The following SCNN1B variants were observed in gnomAD, a reference collection of about 807,000 sequenced individuals.
SCNN1B encodes epithelial sodium channel subunit beta.
SCNN1B carries 46 observed loss-of-function variants against 65.3 expected under a neutral mutation model. That is an observed-to-expected ratio of 0.70 (90% CI 0.56 to 0.90). SCNN1B has a LOEUF of 0.90. Among genes scored for constraint, SCNN1B ranks in the 40% least tolerant of loss-of-function variants. The pLI is 0.00. For synonymous variants in SCNN1B, 349 were observed against 330.6 expected, an observed-to-expected ratio of 1.06 and a Z score of -0.60; for missense variants, 751 against 830.5, an observed-to-expected ratio of 0.90 and a Z score of 1.18.
Position 23,377,310 on chromosome 16 carries a change from G to A in SCNN1B, c.1347-19G>A. 6.2e-7 allele frequency: 1 copy of A among 1,614,204 alleles called. No individual in the cohort carries two copies. The highest frequency in any genetic ancestry group is 8.5e-7 in the Non-Finnish European group (1 of 1,180,034). ...GCATCACTGGCAGGGACCACAACAGGCCTGGCCTTCTCTTTCAGTGACACC... is the reference window on the plus strand; with the variant it reads ...GCATCACTGGCAGGGACCACAACAGACCTGGCCTTCTCTTTCAGTGACACC... On this transcript the variant is annotated intron_variant, in intron 9 of 12. Coordinates refer to ENST00000343070, the MANE Select transcript of SCNN1B (RefSeq NM_000336.3).
rs148261362 is a variant in SCNN1B, at chr16:23,353,472, T to C, written c.585+398T>C. Among the ~76,000 whole-genome samples, 354 of 152,284 alleles carry C rather than the reference T, an allele frequency of 2.3e-3. 4 individuals carry two copies. Among genetic ancestry groups the C allele is most frequent in the African/African-American group, 8.2e-3 (341 of 41,550 alleles). ...TCTCCATGTGGAGGGATCCCCTCAG[T>C]GCCCTTGCTTAGCAGTGGTCCCAGA... On this transcript the variant is annotated intron_variant, in intron 3 of 12. Coordinates refer to ENST00000343070, the MANE Select transcript of SCNN1B (RefSeq NM_000336.3).
chr16:23,310,290 CAAAAAAA>C (rs202228096), intron 1 of SCNN1B, among the ~76,000 whole-genome samples: 3 of 93,004 alleles, frequency 3.2e-5, no homozygotes, highest in Non-Finnish European at 6.7e-5. Flanking sequence ...TCTGCATGAC[CAAAAAAA>C]AAAAAAAAAA....
At chr16:23,326,605 T>C (rs11859641) in intron 1 of SCNN1B, among the ~76,000 whole-genome samples, 412 of 151,928 alleles carry the variant, frequency 2.7e-3, no homozygotes, top group African/African-American at 9.7e-3. Flanking sequence ...GCTGGGATTA[T>C]AGGTGTGCGC....
chr16:23,375,659 T>C, intron 7 of SCNN1B, 79 bp from the exon 8 acceptor site: 2 of 1,032,868 alleles, frequency 1.9e-6, no homozygotes, highest in East Asian at 2.4e-5. Context: ...ATCACTTCTC[T>C]GGACACCCCT....
At chr16:23,370,723 G>A (rs1051406494) in intron 5 of SCNN1B, among the ~76,000 whole-genome samples, 1 of 152,214 alleles carries the variant, frequency 6.6e-6, no homozygotes, top group African/African-American at 2.4e-5. Context: ...GTTGAGATCT[G>A]AGGGAAGAGC....
At chr16:23,321,389 C>G (rs1444925072) in intron 1 of SCNN1B, among the ~76,000 whole-genome samples, 3 of 152,068 alleles carry the variant, frequency 2.0e-5, no homozygotes, top group Non-Finnish European at 2.9e-5. Context: ...CTGGCTGGGG[C>G]TCCCTGTTCC....
At chr16:23,347,561 C>G (rs1265864446) in intron 1 of SCNN1B, among the ~76,000 whole-genome samples, 2 of 152,126 alleles carry the variant, frequency 1.3e-5, no homozygotes, top group African/African-American at 4.8e-5. Flanking sequence ...AAGTAAAGAC[C>G]AAAATGCTTC....
chr16:23,279,445 A>G (rs1284764985), intron 1 of SCNN1B, among the ~76,000 whole-genome samples: 1 of 152,064 alleles, frequency 6.6e-6, no homozygotes, highest in Non-Finnish European at 1.5e-5. Flanking sequence ...CACAAGGAGG[A>G]GGGTGAGGGA....
chr16:23,348,840 G>A lies in SCNN1B; in HGVS notation c.241G>A (p.Val81Ile), dbSNP rs1239633277. 3 of 1,614,146 alleles carry A rather than the reference G, an allele frequency of 1.9e-6. No homozygotes were observed. The highest frequency in any genetic ancestry group is 2.5e-6 in the Non-Finnish European group (3 of 1,180,020). The change falls in exon 2 of 13, where the codon GTC (valine) becomes ATC (isoleucine). Residue 81 changes from valine to isoleucine, a missense_variant. Physicochemically the swap from Val to Ile is conservative, Grantham distance 29. Transcript: ENST00000343070. This position sits in a 1 kb window ranked among gnomAD's most constrained non-coding sequence, Gnocchi z 4.5. ...GACCTACTTGAGCTGGGAGGTCAGC[G>A]TCTCCCTCTCCGTAGGCTTCAAGAC... The part of the protein sequence containing the change: ...IRTYLSWEVS[V>I]SLSVGFKTMD...
chr16:23,348,627 G>A lies in SCNN1B; in HGVS notation c.28G>A (p.Gly10Ser). The change falls in exon 2 of 13, where the codon GGC (glycine) becomes AGC (serine). Residue 10 changes from glycine to serine, a missense_variant. By Grantham distance (56) the Gly-to-Ser change is moderately conservative. Transcript: ENST00000343070. The surrounding 1 kb of genome is among the most constrained non-coding windows in gnomAD (Gnocchi z 4.5). MHVKKYLLK[G>S]LHRLQKGPGY... ...GCACGTGAAGAAGTACCTGCTGAAG[G>A]GCCTGCATCGGCTGCAGAAGGGCCC... The A allele has an allele frequency of 6.2e-7, 1 of 1,613,272 alleles. No individual in the cohort carries two copies. Among genetic ancestry groups the A allele is most frequent in the South Asian group, 1.1e-5 (1 of 91,036 alleles).
intron 2 of SCNN1B, among the ~76,000 whole-genome samples, chr16:23,292,404 A>G (rs1960938358): frequency 6.6e-6 from 1 of 151,674 alleles, no homozygotes; most frequent in Non-Finnish European, 1.5e-5. Flanking sequence ...TCACTGTGTT[A>G]GTCAGGATGG....
At chr16:23,342,153 A>G (rs1267283906) in intron 1 of SCNN1B, among the ~76,000 whole-genome samples, 2 of 152,260 alleles carry the variant, frequency 1.3e-5, no homozygotes, top group Non-Finnish European at 2.9e-5. Context: ...TTATTTAGCA[A>G]TAGAAAGAAA....
intron 1 of SCNN1B, among the ~76,000 whole-genome samples, chr16:23,279,333 G>A (rs1323868442): frequency 6.6e-6 from 1 of 152,162 alleles, no homozygotes; most frequent in Non-Finnish European, 1.5e-5. Flanking sequence ...GCCCACCTCA[G>A]CCTCCCAAGC....
At chr16:23,342,766 TGGAAAA>T (rs1439514192) in intron 1 of SCNN1B, among the ~76,000 whole-genome samples, 2 of 152,118 alleles carry the variant, frequency 1.3e-5, no homozygotes, top group Non-Finnish European at 2.9e-5. Flanking sequence ...GGCCGCAGGA[TGGAAAA>T]GCTTGATTTA....
chr16:23,360,706 G>A (rs1395176042), intron 4 of SCNN1B, among the ~76,000 whole-genome samples: 2 of 145,716 alleles, frequency 1.4e-5, no homozygotes, highest in Admixed American at 7.1e-5. Context: ...AGTGATTATC[G>A]TGTCTCAGCC....
At chr16:23,291,662 C>A (rs908919451) in intron 2 of SCNN1B, among the ~76,000 whole-genome samples, 9 of 151,752 alleles carry the variant, frequency 5.9e-5, no homozygotes, top group Admixed American at 5.9e-4. Flanking sequence ...GCACCCATAA[C>A]CTCCGAGGTT....
rs567010843 is a variant in SCNN1B, at chr16:23,294,333, G to T, written n.178+10529G>T. Among the ~76,000 whole-genome samples the T allele has an allele frequency of 7.9e-5, 12 of 152,248 alleles. No homozygotes were observed. The East Asian group carries it at 1.5e-3, about 20-fold the overall frequency. On this transcript the variant is annotated intron_variant and non_coding_transcript_variant, in intron 2 of 3. Transcript: ENST00000569789. Reference sequence around the variant, plus strand: ...AATCACTTGCACCAGGGAGGTGAAGGTTGCAGTGAGCTGAGATTGTACCAC... The same window carrying T: ...AATCACTTGCACCAGGGAGGTGAAGTTTGCAGTGAGCTGAGATTGTACCAC...
rs1452774526 is a variant in SCNN1B, at chr16:23,348,051, C to T, written c.-8-541C>T. On this transcript the variant is annotated intron_variant, in intron 1 of 12. Transcript: ENST00000343070. This position sits in a 1 kb window ranked among gnomAD's most constrained non-coding sequence, Gnocchi z 4.5. ...GAACCCACCCTACACAGGACACATT[C>T]CATTGCAGAGCACTCACACACAGTC... 2.6e-5 allele frequency among the ~76,000 whole-genome samples: 4 copies of T among 152,234 alleles called. No homozygotes were observed. The highest frequency in any genetic ancestry group is 4.4e-5 in the Non-Finnish European group (3 of 68,036).
chr16:23,329,092 G>A (rs557285315), intron 1 of SCNN1B, among the ~76,000 whole-genome samples: 4 of 138,190 alleles, frequency 2.9e-5, no homozygotes, highest in African/African-American at 1.1e-4. Context: ...GAGCCACCAT[G>A]CCTAGCTTGT....
Sources: allele counts gnomAD v4.1 joint callset (sites outside exome capture counted in the v4.1 genomes callset), GRCh38; gene constraint gnomAD v4.1.1; non-coding constraint Gnocchi (gnomAD v3.1); transcripts MANE v1.5; gene names NCBI Gene and HGNC (gene_info 2026-07-23, HGNC 2026-07-21).